The following RPIA variants were observed in gnomAD, a reference collection of about 807,000 sequenced individuals.
RPIA encodes the protein ribose-5-phosphate isomerase.
A neutral mutation model predicts 37.8 loss-of-function variants in RPIA; 29 were observed. The observed-to-expected ratio is 0.77, with a 90% CI of 0.57 to 1.05. The LOEUF is 1.05. Ranked by LOEUF, RPIA falls within the 50% of genes least tolerant of loss-of-function variation. RPIA has a pLI of 0.00. For missense variants in RPIA, 385 were observed against 413.6 expected, an observed-to-expected ratio of 0.93 and a Z score of 0.60; for synonymous variants, 167 against 157.0, an observed-to-expected ratio of 1.06 and a Z score of -0.48.
Position 88,698,466 on chromosome 2 carries a change from T to G in RPIA, c.286-18T>G. 2 of 1,613,496 alleles carry G rather than the reference T, an allele frequency of 1.2e-6. No individual in the cohort carries two copies. The highest frequency in any genetic ancestry group is 2.2e-5 in the South Asian group (2 of 91,084). On this transcript the variant is annotated intron_variant, in intron 1 of 8. Coordinates refer to ENST00000283646, the MANE Select transcript of RPIA (RefSeq NM_144563.3). ...TGATATTAATAAGTTTTGTTTTTTC[T>G]TCCCCGTTTTTTGGCAGAATAACCA...
intron 4 of RPIA, among the ~76,000 whole-genome samples, chr2:88,729,642 G>A (rs1392109194): frequency 6.6e-6 from 1 of 152,190 alleles, no homozygotes; most frequent in Non-Finnish European, 1.5e-5. Context: ...GTATAAGAGT[G>A]AGCCAGCTCA....
Position 88,691,684 on chromosome 2 carries a change from G to C in RPIA, c.-15G>C, listed in dbSNP as rs1425102341. 4.5e-6 allele frequency: 7 copies of C among 1,568,600 alleles called. No individual in the cohort carries two copies. The highest frequency in any genetic ancestry group is 2.3e-5 in the East Asian group (1 of 44,312). On this transcript the variant is annotated 5_prime_UTR_variant, in exon 1 of 9. Transcript: ENST00000283646. ...GGGGGCGGGACTTCAGCGGAGGCCG[G>C]AGCGAGGCGTCGGGATGCAGCGCCC... is the stretch of plus-strand genomic sequence containing the variant.
chr2:88,713,120 A>ATTTTTTT (rs1553420200), intron 3 of RPIA, among the ~76,000 whole-genome samples: 10 of 65,272 alleles, frequency 1.5e-4, no homozygotes, highest in South Asian at 5.0e-4. Flanking sequence ...ATATATATAT[A>ATTTTTTT]TTTTTTTTTT....
chr2:88,692,017 T>C (rs1432668246), intron 1 of RPIA, 34 bp downstream of exon 1: 1 of 1,553,418 alleles, frequency 6.4e-7, no homozygotes, highest in Non-Finnish European at 8.7e-7. Context: ...GCGGGGCGCA[T>C]GTCCTTGGCG....
At chr2:88,739,715 T>G (rs1673359933) in intron 8 of RPIA, among the ~76,000 whole-genome samples, 1 of 152,156 alleles carries the variant, frequency 6.6e-6, no homozygotes, top group African/African-American at 2.4e-5. Flanking sequence ...CCTCCTGGGC[T>G]TAAACAGTTC....
intron 3 of RPIA, among the ~76,000 whole-genome samples, chr2:88,717,030 C>T (rs755726807): frequency 2.0e-5 from 3 of 152,138 alleles, no homozygotes; most frequent in Non-Finnish European, 4.4e-5. Flanking sequence ...CCCAGCAAGA[C>T]CCTCGGTTTA....
chr2:88,726,691 C>T (rs1673200962), intron 3 of RPIA, among the ~76,000 whole-genome samples: 2 of 152,126 alleles, frequency 1.3e-5, no homozygotes, highest in African/African-American at 4.8e-5. Context: ...ACTCCTTGTC[C>T]AGGACATGAC....
intron 3 of RPIA, among the ~76,000 whole-genome samples, chr2:88,708,060 T>A (rs1231755557): frequency 6.6e-6 from 1 of 152,208 alleles, no homozygotes; most frequent in East Asian, 1.9e-4. Flanking sequence ...GGAATGGGGA[T>A]CAAACACATG....
chr2:88,724,547 G>C (rs745409377), intron 3 of RPIA, among the ~76,000 whole-genome samples: 3 of 152,126 alleles, frequency 2.0e-5, no homozygotes, highest in Non-Finnish European at 2.9e-5. Flanking sequence ...GACCTCAGGT[G>C]ATCTGCCCAC....
intron 6 of RPIA, 73 bp from the exon 7 acceptor site, chr2:88,736,462 T>C: frequency 6.5e-7 from 1 of 1,547,934 alleles, no homozygotes; most frequent in Non-Finnish European, 8.9e-7. Context: ...TTAACCCTGT[T>C]CCTGAATTTG....
intron 3 of RPIA, among the ~76,000 whole-genome samples, chr2:88,720,472 A>G (rs1573469866): frequency 6.6e-6 from 1 of 152,066 alleles, no homozygotes; most frequent in Non-Finnish European, 1.5e-5. Flanking sequence ...ATATGAGCTG[A>G]AAATGAGTTG....
intron 3 of RPIA, among the ~76,000 whole-genome samples, chr2:88,727,707 C>T (rs758828630): frequency 3.9e-5 from 6 of 152,212 alleles, no homozygotes; most frequent in Non-Finnish European, 5.9e-5. Context: ...CTGAAAAGGA[C>T]GTGATCTCTC....
intron 1 of RPIA, 22 bp downstream of exon 1, chr2:88,692,005 G>C (rs1045868501): frequency 1.3e-6 from 2 of 1,566,386 alleles, no homozygotes; most frequent in East Asian, 2.3e-5. Flanking sequence ...GAAACGTGGG[G>C]CGCGGGGCGC....
rs972240604 is a variant in RPIA, at chr2:88,692,078, C to CT, written c.285+96dup. On this transcript the variant is annotated intron_variant, in intron 1 of 8. Transcript: ENST00000283646. The stretch of plus-strand genomic sequence containing the variant: ...GGTGCTGCCGGGGCGCGCCTAGCTC[C>CT]TGGCAGGGCGGGAGCTGAGTGAGAG... 5.7e-5 allele frequency: 84 copies of CT among 1,463,184 alleles called. 1 individual carries two copies. In the Admixed American group the frequency reaches 1.7e-3, roughly 29 times the overall value. 90.6% of individuals were successfully genotyped at this position (1,463,184 alleles called of 1,614,324 possible).
rs191896926 is a variant in RPIA, at chr2:88,720,448, G to A, written c.403-8830G>A. 2.4e-3 allele frequency among the ~76,000 whole-genome samples: 360 copies of A among 151,782 alleles called. 1 individual carries two copies. Among genetic ancestry groups the A allele is most frequent in the African/African-American group, 8.2e-3 (340 of 41,412 alleles). ...TCAGGCCACAACAAATGGAACTTGAGGGGAAAAAAACTTATATGAGCTGAA... is the reference window on the plus strand; with the variant it reads ...TCAGGCCACAACAAATGGAACTTGAAGGGAAAAAAACTTATATGAGCTGAA... On this transcript the variant is annotated intron_variant, in intron 3 of 8. Coordinates refer to ENST00000283646, the MANE Select transcript of RPIA (RefSeq NM_144563.3).
At chr2:88,700,171 C>A in intron 3 of RPIA, 107 bp downstream of exon 3, 1 of 1,012,136 alleles carries the variant, frequency 9.9e-7, no homozygotes, top group Non-Finnish European at 1.6e-6. Flanking sequence ...TGTTCTAGGT[C>A]AGAGAGTCCA....
In RPIA at chr2:88,721,011, T is replaced by C. The variant is rs370343381; in HGVS notation, c.403-8267T>C. 2.8e-4 allele frequency among the ~76,000 whole-genome samples: 43 copies of C among 152,308 alleles called. No homozygotes were observed. The South Asian group carries it at 7.0e-3, about 25-fold the overall frequency. On this transcript the variant is annotated intron_variant, in intron 3 of 8. Transcript: ENST00000283646. ...CTGGATAAAGAAAATGTGGCACATA[T>C]ACACCTTGGAATACTATGCAATCAT...
chr2:88,739,842 T>C (rs1673361640), intron 8 of RPIA, among the ~76,000 whole-genome samples: 1 of 152,228 alleles, frequency 6.6e-6, no homozygotes, highest in Non-Finnish European at 1.5e-5. Context: ...GGTCTTGAAC[T>C]GGGCTCAAAG....
chr2:88,727,217 A>G (rs888486257), intron 3 of RPIA, among the ~76,000 whole-genome samples: 1 of 152,318 alleles, frequency 6.6e-6, no homozygotes, highest in Admixed American at 6.5e-5. Context: ...GAAGTGTCAT[A>G]TCATCACCTC....
Sources: allele counts gnomAD v4.1 joint callset (sites outside exome capture counted in the v4.1 genomes callset), GRCh38; gene constraint gnomAD v4.1.1; transcripts MANE v1.5; gene names NCBI Gene and HGNC (gene_info 2026-07-23, HGNC 2026-07-21).